Variants in SLC35A3 observed in about 807,000 individuals in gnomAD.
The protein encoded by SLC35A3 is UDP-N-acetylglucosamine transporter.
SLC35A3 carries 26 observed loss-of-function variants against 39.0 expected under a neutral mutation model. The ratio of observed to expected loss-of-function variants is 0.67; its 90% CI spans 0.49 to 0.92. The LOEUF (loss-of-function observed/expected upper bound fraction) is 0.92. Among genes scored for constraint, SLC35A3 ranks in the 40% least tolerant of loss-of-function variants. The pLI is 0.00. For synonymous variants in SLC35A3, 135 were observed against 133.1 expected (o/e 1.01, Z -0.10); for missense variants, 299 against 371.6 (o/e 0.80, Z 1.61).
chr1:99,978,483 G>T (rs1423131411), intron 1 of SLC35A3, among the ~76,000 whole-genome samples: 1 of 152,182 alleles, frequency 6.6e-6, no homozygotes, highest in Non-Finnish European at 1.5e-5. Flanking sequence ...GCCGTGGCAT[G>T]CCACTGCACT....
chr1:99,986,814 C>A (rs1403837858), intron 1 of SLC35A3, among the ~76,000 whole-genome samples: 1 of 152,148 alleles, frequency 6.6e-6, no homozygotes, highest in Non-Finnish European at 1.5e-5. Context: ...TCTCTCACTC[C>A]TGGAGTCAAG....
At position 100,029,545 on chromosome 1, in the gene SLC35A3, C is replaced by G. The variant is rs1661112768; in HGVS notation, c.*7069C>G. 3 of 151,436 alleles carry G rather than the reference C, an allele frequency of 2.0e-5. No individual in the cohort carries two copies. Among genetic ancestry groups the G allele is most frequent in the Admixed American group, 2.0e-4 (3 of 15,172 alleles). 9.4% of individuals were successfully genotyped at this position (151,436 alleles called of 1,614,324 possible). On this transcript the variant is annotated 3_prime_UTR_variant, in exon 8 of 8. Coordinates refer to ENST00000533028, the MANE Select transcript of SLC35A3 (RefSeq NM_012243.3). ...TCCTGGGTTTGAGCAATTCTCCTAC[C>G]TCAGCCTCCCAAGTAGCTGGGATTA...
chr1:100,007,609 T>C (rs1228974624), intron 4 of SLC35A3: 1 of 152,618 alleles, frequency 6.6e-6, no homozygotes, highest in Non-Finnish European at 1.5e-5. Flanking sequence ...AGGTTTGTTA[T>C]TTCTTCTAAG....
At chr1:100,010,142 A>G (rs2101350757) in intron 4 of SLC35A3, among the ~76,000 whole-genome samples, 1 of 152,270 alleles carries the variant, frequency 6.6e-6, no homozygotes, top group African/African-American at 2.4e-5. Context: ...GACCCTATTG[A>G]GGGTGAAGAT....
intron 1 of SLC35A3, among the ~76,000 whole-genome samples, chr1:99,990,609 T>C (rs1206269960): frequency 6.6e-6 from 1 of 152,150 alleles, no homozygotes; most frequent in Non-Finnish European, 1.5e-5. Flanking sequence ...TAGATCTCAT[T>C]ATTCCAGTCC....
intron 3 of SLC35A3, 39 bp downstream of exon 3, chr1:99,999,454 T>C: frequency 1.4e-6 from 2 of 1,395,322 alleles, no homozygotes; most frequent in Non-Finnish European, 2.0e-6. Context: ...AAAAAAACTT[T>C]TTTCTTATAC....
chr1:99,987,933 C>A (rs1160719985), intron 1 of SLC35A3, among the ~76,000 whole-genome samples: 1 of 152,084 alleles, frequency 6.6e-6, no homozygotes, highest in African/African-American at 2.4e-5. Context: ...GTGAAGAAAG[C>A]CTGGTTAGGA....
intron 4 of SLC35A3, chr1:100,008,579 C>A (rs541349375): frequency 6.6e-6 from 1 of 152,336 alleles, no homozygotes; most frequent in South Asian, 2.1e-4. Context: ...TGAATTGCTA[C>A]AACTGAGCTG....
intron 1 of SLC35A3, among the ~76,000 whole-genome samples, chr1:99,991,231 C>T (rs963690101): frequency 3.3e-5 from 5 of 152,164 alleles, no homozygotes; most frequent in Admixed American, 1.3e-4. Context: ...CTGCAACCTT[C>T]GCCTCTGGGT....
chr1:100,017,783 C>T lies in SLC35A3; in HGVS notation c.855C>T (p.Ser285=). The T allele has an allele frequency of 6.4e-7, 1 of 1,571,206 alleles. No individual in the cohort carries two copies. Among genetic ancestry groups the T allele is most frequent in the East Asian group, 2.3e-5 (1 of 42,682 alleles). Reference sequence around the variant, plus strand: ...CGATAATATTATCAACATTGATCTCCTATTTTTGGCTTCAAGATTTTGTGC... The same window carrying T: ...CGATAATATTATCAACATTGATCTCTTATTTTTGGCTTCAAGATTTTGTGC... ...SLSIILSTLI[S]YFWLQDFVPT... is the part of the protein sequence containing the mutation. Residue 285 remains serine (S), a synonymous_variant, in exon 7 of 8, where the codon TCC becomes TCT. Coordinates refer to ENST00000533028, the MANE Select transcript of SLC35A3 (RefSeq NM_012243.3).
At chr1:100,016,289 C>T (rs1176016946) in intron 6 of SLC35A3, among the ~76,000 whole-genome samples, 1 of 151,352 alleles carries the variant, frequency 6.6e-6, no homozygotes, top group South Asian at 2.1e-4. Context: ...TGATCTCGAT[C>T]TCCTGACCTC....
At chr1:100,021,257 G>C (rs965049529) in intron 7 of SLC35A3, among the ~76,000 whole-genome samples, 3 of 151,926 alleles carry the variant, frequency 2.0e-5, no homozygotes, top group Non-Finnish European at 4.4e-5. Flanking sequence ...CCAGCTAGTC[G>C]GGAGGCTGAG....
In SLC35A3 at chr1:99,988,639, C is replaced by T. The variant is rs567975071; in HGVS notation, c.-18-4898C>T. ...CTGTCCCTCCCCTCCCCTCCTCTTCCCTCCCCTCTCCTCCCCTCCTCTCGT... is the reference window on the plus strand; with the variant it reads ...CTGTCCCTCCCCTCCCCTCCTCTTCTCTCCCCTCTCCTCCCCTCCTCTCGT... On this transcript the variant is annotated intron_variant, in intron 1 of 7. Coordinates refer to ENST00000533028, the MANE Select transcript of SLC35A3 (RefSeq NM_012243.3). Among the ~76,000 whole-genome samples, 72 of 141,534 alleles carry T rather than the reference C, an allele frequency of 5.1e-4. 1 individual carries two copies. In the South Asian group the frequency reaches 6.2e-3, roughly 12 times the overall value. 92.9% of individuals were successfully genotyped at this position (141,534 alleles called of 152,430 possible). A position where few individuals can be genotyped will look rare whatever the true frequency, so the allele number is the denominator to read the frequency against.
chr1:100,012,796 C>G (rs1659759778), intron 5 of SLC35A3, among the ~76,000 whole-genome samples: 1 of 152,110 alleles, frequency 6.6e-6, no homozygotes, highest in Non-Finnish European at 1.5e-5. Context: ...TTGTTTCAGC[C>G]ATTGGTTACC....
chr1:100,015,585 G>A, intron 6 of SLC35A3, 165 bp downstream of exon 6: 1 of 683,094 alleles, frequency 1.5e-6, no homozygotes, highest in East Asian at 3.3e-5. Context: ...TCTTAATGCT[G>A]TAATGAAATC....
chr1:100,018,051 C>A (rs995905892), intron 7 of SLC35A3, among the ~76,000 whole-genome samples: 1 of 152,196 alleles, frequency 6.6e-6, no homozygotes, highest in Middle Eastern at 3.4e-3. Flanking sequence ...TGAATATTTT[C>A]CCTGCAAAGT....
In SLC35A3 at chr1:100,035,173, C is replaced by T. The variant is rs1432565337; in HGVS notation, c.*12697C>T. ...ATAAAATGGCATAGTATTTGGTTATCATCCTCCCCATACATCATCTCTAGA... is the reference window on the plus strand; with the variant it reads ...ATAAAATGGCATAGTATTTGGTTATTATCCTCCCCATACATCATCTCTAGA... On this transcript the variant is annotated 3_prime_UTR_variant, in exon 8 of 8. Coordinates refer to ENST00000533028, the MANE Select transcript of SLC35A3 (RefSeq NM_012243.3). 2.6e-5 allele frequency: 4 copies of T among 152,146 alleles called. No homozygotes were observed. The highest frequency in any genetic ancestry group is 5.9e-5 in the Non-Finnish European group (4 of 68,024). 9.4% of individuals were successfully genotyped at this position (152,146 alleles called of 1,614,324 possible).
At position 99,990,679 on chromosome 1, in the gene SLC35A3, A is replaced by G. The variant is rs374415248; in HGVS notation, c.-18-2858A>G. Among the ~76,000 whole-genome samples, 5 of 152,214 alleles carry G rather than the reference A, an allele frequency of 3.3e-5. No homozygotes were observed. In the East Asian group the frequency reaches 9.6e-4, roughly 29 times the overall value. ...CTGTACCTTTGTCAAATATTGTTTG[A>G]CAATATTTATATATGGTTTAATAGA... On this transcript the variant is annotated intron_variant, in intron 1 of 7. Transcript: ENST00000533028.
intron 5 of SLC35A3, among the ~76,000 whole-genome samples, chr1:100,012,719 A>G (rs887202856): frequency 6.6e-6 from 1 of 152,214 alleles, no homozygotes; most frequent in African/African-American, 2.4e-5. Flanking sequence ...GTAGGCTGTA[A>G]TGTAAGAATT....
Sources: gnomAD v4.1 joint callset for allele counts (sites outside exome capture counted in the v4.1 genomes callset) on GRCh38, gnomAD v4.1.1 for gene constraint, MANE v1.5 for transcripts, NCBI Gene and HGNC (gene_info 2026-07-23, HGNC 2026-07-21) for gene names.